Variants in METTL15 observed in about 807,000 individuals in gnomAD.
The protein encoded by METTL15 is 12S rRNA N(4)-cytidine methyltransferase METTL15.
A neutral mutation model predicts 38.3 loss-of-function variants in METTL15; 34 were observed. The observed-to-expected ratio is 0.89, with a 90% CI of 0.68 to 1.18. METTL15 has a LOEUF of 1.18. Among genes scored for constraint, METTL15 ranks in the 50% most tolerant of loss-of-function variants. The pLI is 0.00. For synonymous variants in METTL15, 162 were observed against 170.9 expected (o/e 0.95, Z 0.41); for missense variants, 438 against 498.4 (o/e 0.88, Z 1.15).
intron 3 of METTL15, among the ~76,000 whole-genome samples, chr11:28,145,926 C>T (rs1849866956): frequency 6.6e-6 from 1 of 151,834 alleles, no homozygotes; most frequent in Non-Finnish European, 1.5e-5. Context: ...TTAGGCTTTT[C>T]TTCGCATCTG....
chr11:28,292,282 T>A (rs1294928852), intron 5 of METTL15, among the ~76,000 whole-genome samples: 1 of 148,112 alleles, frequency 6.8e-6, no homozygotes, highest in Admixed American at 6.8e-5. Context: ...TTGTTGAATT[T>A]GCACCTATGA....
intron 3 of METTL15, among the ~76,000 whole-genome samples, chr11:28,192,403 C>A (rs1851730693): frequency 6.7e-6 from 1 of 148,454 alleles, no homozygotes; most frequent in African/African-American, 2.5e-5. Flanking sequence ...GTAGTTATTC[C>A]TTTTATATAT....
At chr11:28,297,709 A>C (rs1426936153) in intron 6 of METTL15, among the ~76,000 whole-genome samples, 1 of 152,134 alleles carries the variant, frequency 6.6e-6, no homozygotes, top group Non-Finnish European at 1.5e-5. Flanking sequence ...TCCAATGGTA[A>C]AATTTTCATC....
intron 6 of METTL15, among the ~76,000 whole-genome samples, chr11:28,481,989 A>C (rs1851399401): frequency 6.6e-6 from 1 of 152,002 alleles, no homozygotes; most frequent in Non-Finnish European, 1.5e-5. Context: ...AGCTCCCTGG[A>C]TTTTGAGCTT....
chr11:28,367,523 G>A (rs531299157), intron 5 of METTL15, among the ~76,000 whole-genome samples: 2 of 151,726 alleles, frequency 1.3e-5, no homozygotes, highest in South Asian at 4.2e-4. Flanking sequence ...CCATGCTCAT[G>A]GATAGTAATA....
chr11:28,235,017 TACA>T (rs1262531236), intron 4 of METTL15, among the ~76,000 whole-genome samples: 8 of 152,128 alleles, frequency 5.3e-5, no homozygotes, highest in Non-Finnish European at 1.0e-4. Flanking sequence ...TTCAGCTTTC[TACA>T]TGTGGCTAGC....
chr11:28,185,175 A>C (rs1289598905), intron 3 of METTL15, among the ~76,000 whole-genome samples: 5 of 151,534 alleles, frequency 3.3e-5, no homozygotes, highest in Non-Finnish European at 7.4e-5. Flanking sequence ...TATCTTTTCT[A>C]TATTTGTTTA....
intron 5 of METTL15, among the ~76,000 whole-genome samples, chr11:28,419,765 A>G (rs1850804203): frequency 6.6e-6 from 1 of 152,228 alleles, no homozygotes; most frequent in African/African-American, 2.4e-5. Flanking sequence ...AAGAAACCCC[A>G]GATAACACAG....
rs188185313 is a variant in METTL15 at position 28,211,203 on chromosome 11, G to T, written c.407+5G>T. The T allele has an allele frequency of 5.6e-6, 9 of 1,601,522 alleles. No individual in the cohort carries two copies. The highest frequency in any genetic ancestry group is 7.7e-6 in the Non-Finnish European group (9 of 1,175,244). On this transcript the variant is annotated splice_donor_5th_base_variant and intron_variant, in intron 4 of 6. Transcript: ENST00000407364. ...ACATCTTTCAGAGTTGTATCCGTAA[G>T]TAATACCCTTGCATATTTATTTGAT... is the stretch of plus-strand genomic sequence containing the variant.
chr11:28,455,656 C>T (rs1375216093), intron 6 of METTL15, among the ~76,000 whole-genome samples: 1 of 152,170 alleles, frequency 6.6e-6, no homozygotes, highest in Non-Finnish European at 1.5e-5. Flanking sequence ...GCCCCTCTCC[C>T]TGTGAAACTG....
chr11:28,156,109 A>G (rs1850254677), intron 3 of METTL15, among the ~76,000 whole-genome samples: 1 of 152,146 alleles, frequency 6.6e-6, no homozygotes, highest in African/African-American at 2.4e-5. Context: ...CTAATGTGTT[A>G]TTATTCTTTA....
intron 3 of METTL15, chr11:28,197,476 C>A: frequency 2.2e-6 from 1 of 446,194 alleles, no homozygotes; most frequent in Non-Finnish European, 4.7e-6. Context: ...TTGCATATCC[C>A]AATTTCCTGG....
At chr11:28,247,426 T>C (rs1308592105) in intron 4 of METTL15, among the ~76,000 whole-genome samples, 1 of 152,138 alleles carries the variant, frequency 6.6e-6, no homozygotes, top group East Asian at 1.9e-4. Context: ...TGACTGATTT[T>C]CATAATTCCT....
chr11:28,133,420 A>G (rs1263210532), intron 3 of METTL15, among the ~76,000 whole-genome samples: 1 of 152,130 alleles, frequency 6.6e-6, no homozygotes, highest in Non-Finnish European at 1.5e-5. Context: ...AAAAAAATAT[A>G]TTTCTCTTAA....
At position 28,180,539 on chromosome 11, in the gene METTL15, CCT is replaced by C. The variant is rs1303027684; in HGVS notation, c.271-30520_271-30519del. 2.0e-5 allele frequency among the ~76,000 whole-genome samples: 3 copies of C among 151,876 alleles called. No homozygotes were observed. In the East Asian group the frequency reaches 5.8e-4, roughly 29 times the overall value. On this transcript the variant is annotated intron_variant, in intron 3 of 6. Transcript: ENST00000407364. ...GACTAGAACTAAGAAGGGCCTGAAA[CCT>C]CTGTCGTTTAAGGATGCTAGTGTTT...
At chr11:28,235,237 C>T (rs374924763) in intron 4 of METTL15, among the ~76,000 whole-genome samples, 74 of 151,930 alleles carry the variant, frequency 4.9e-4, no homozygotes, top group African/African-American at 1.4e-3. Context: ...AGTCAGGTAG[C>T]GTGATGCCTC....
intron 4 of METTL15, among the ~76,000 whole-genome samples, chr11:28,356,826 A>C (rs1029274629): frequency 6.6e-6 from 1 of 152,114 alleles, no homozygotes; most frequent in Non-Finnish European, 1.5e-5. Flanking sequence ...TCAAGCCACA[A>C]TTTTTCATTT....
intron 5 of METTL15, among the ~76,000 whole-genome samples, chr11:28,400,995 CAAG>C (rs1434343894): frequency 2.0e-5 from 3 of 151,894 alleles, no homozygotes; most frequent in East Asian, 1.9e-4. Context: ...GAACAGCTGT[CAAG>C]AAGAAGTCAT....
At position 28,422,702 on chromosome 11, in the gene METTL15, G is replaced by A. The variant is rs1025985470; in HGVS notation, c.*359-1597G>A. On this transcript the variant is annotated intron_variant and NMD_transcript_variant, in intron 5 of 7. Transcript: ENST00000532947. The stretch of plus-strand genomic sequence containing the variant: ...CCATATACAAAAATAAAATCAAAAG[G>A]GATTAAAAACTTAAATCTAAGACCA... Among the ~76,000 whole-genome samples, 3 of 151,762 alleles carry A rather than the reference G, an allele frequency of 2.0e-5. No individual in the cohort carries two copies. The East Asian group carries it at 5.8e-4, about 29-fold the overall frequency.
Sources: allele counts gnomAD v4.1 joint callset (sites outside exome capture counted in the v4.1 genomes callset), GRCh38; gene constraint gnomAD v4.1.1; transcripts MANE v1.5; gene names NCBI Gene and HGNC (gene_info 2026-07-23, HGNC 2026-07-21).